Variants in ERN1 observed in about 807,000 individuals in gnomAD.
The protein encoded by ERN1 is serine/threonine-protein kinase/endoribonuclease IRE1.
Under a neutral mutation model 113.1 loss-of-function variants are expected in ERN1, and 39 were observed. The observed-to-expected ratio is 0.34, with a 90% CI of 0.27 to 0.45. The LOEUF (loss-of-function observed/expected upper bound fraction) is 0.45, where lower values mean the gene tolerates loss of function less well. Ranked by LOEUF, ERN1 falls within the 20% of genes least tolerant of loss-of-function variation. The pLI, the probability that ERN1 is intolerant of heterozygous loss-of-function variation, is 1.00. For synonymous variants in ERN1, 507 were observed against 515.9 expected, an observed-to-expected ratio of 0.98 and a Z score of 0.23; for missense variants, 976 against 1,274.8, an observed-to-expected ratio of 0.77 and a Z score of 3.57.
chr17:64,089,446 T>C (rs1324659181), intron 2 of ERN1, among the ~76,000 whole-genome samples: 2 of 150,958 alleles, frequency 1.3e-5, no homozygotes, highest in African/African-American at 4.9e-5. Context: ...GCAAAGGAAA[T>C]GCTCACTGGA....
At chr17:64,129,519 G>C (rs1175106732) in intron 1 of ERN1, 3 of 322,958 alleles carry the variant, frequency 9.3e-6, no homozygotes, top group Non-Finnish European at 1.1e-5. Context: ...TCGAAGCGCA[G>C]GACAGACCCT....
chr17:64,110,500 A>C (rs1357641746), intron 1 of ERN1, among the ~76,000 whole-genome samples: 1 of 152,210 alleles, frequency 6.6e-6, no homozygotes, highest in Non-Finnish European at 1.5e-5. Flanking sequence ...AGACGATGAT[A>C]ATGTAGCCAC....
intron 1 of ERN1, among the ~76,000 whole-genome samples, chr17:64,106,217 A>G (rs1212014552): frequency 6.6e-6 from 1 of 152,222 alleles, no homozygotes; most frequent in Non-Finnish European, 1.5e-5. Context: ...TACATATTAC[A>G]GTATTAAAGG....
chr17:64,111,357 GTT>G (rs556113039), intron 1 of ERN1, among the ~76,000 whole-genome samples: 2 of 138,408 alleles, frequency 1.4e-5, no homozygotes. Flanking sequence ...GTCATCCAAT[GTT>G]TTTTTTTTTT....
intron 1 of ERN1, among the ~76,000 whole-genome samples, chr17:64,119,285 A>G (rs965468224): frequency 1.3e-5 from 2 of 152,052 alleles, no homozygotes; most frequent in Non-Finnish European, 2.9e-5. Context: ...TTTGTATTCA[A>G]AGGAAAAAAT....
At chr17:64,045,991 T>C (rs1912502104) in intron 19 of ERN1, among the ~76,000 whole-genome samples, 1 of 151,968 alleles carries the variant, frequency 6.6e-6, no homozygotes, top group Non-Finnish European at 1.5e-5. Context: ...GTGGCAAGAG[T>C]ATGGGCTCCA....
In ERN1 at chr17:64,040,322, C is replaced by T. The variant is rs2143299955; in HGVS notation, c.*3666G>A. Reference sequence around the variant, plus strand: ...CCAGAGGATCACAAGGCCAAGGATCCAATGGGCACACCATGAGGACCCAAG... The same window carrying T: ...CCAGAGGATCACAAGGCCAAGGATCTAATGGGCACACCATGAGGACCCAAG... On this transcript the variant is annotated 3_prime_UTR_variant, in exon 22 of 22. Coordinates refer to ENST00000433197, the MANE Select transcript of ERN1 (RefSeq NM_001433.5). 6.6e-6 allele frequency: 1 copy of T among 152,266 alleles called. No individual in the cohort carries two copies. The highest frequency in any genetic ancestry group is 2.1e-4 in the South Asian group (1 of 4,806). 9.4% of individuals were successfully genotyped at this position (152,266 alleles called of 1,614,324 possible).
intron 17 of ERN1, among the ~76,000 whole-genome samples, chr17:64,050,900 A>G (rs1233758151): frequency 6.6e-6 from 1 of 152,182 alleles, no homozygotes; most frequent in Non-Finnish European, 1.5e-5. Context: ...AGGCAGCCAT[A>G]TCTAATCCAC....
At chr17:64,067,427 C>CAAA (rs5821418) in intron 7 of ERN1, among the ~76,000 whole-genome samples, 2 of 83,096 alleles carry the variant, frequency 2.4e-5, no homozygotes, top group African/African-American at 4.7e-5. Flanking sequence ...CCCGTCTCTA[C>CAAA]AAAAAAAAAA....
At chr17:64,092,916 G>A (rs561378645) in intron 2 of ERN1, among the ~76,000 whole-genome samples, 1 of 152,190 alleles carries the variant, frequency 6.6e-6, no homozygotes, top group Non-Finnish European at 1.5e-5. Flanking sequence ...CTATTCACTG[G>A]TGAGGTTTTA....
At chr17:64,126,387 C>T (rs1915081211) in intron 1 of ERN1, among the ~76,000 whole-genome samples, 1 of 152,118 alleles carries the variant, frequency 6.6e-6, no homozygotes, top group African/African-American at 2.4e-5. Flanking sequence ...AGGATTCTTT[C>T]ACCTGAAAAA....
chr17:64,100,500 G>C (rs1465563190), intron 1 of ERN1, among the ~76,000 whole-genome samples: 4 of 152,180 alleles, frequency 2.6e-5, no homozygotes, highest in Non-Finnish European at 5.9e-5. Context: ...GCCAGGCGTG[G>C]TGGCTCACAC....
intron 6 of ERN1, among the ~76,000 whole-genome samples, 170 bp downstream of exon 6, chr17:64,071,811 T>A (rs1169795050): frequency 1.3e-5 from 2 of 152,082 alleles, no homozygotes; most frequent in Non-Finnish European, 2.9e-5. Flanking sequence ...TTGGACTGTA[T>A]CCCTTGCACA....
chr17:64,127,317 C>G (rs1306944832), intron 1 of ERN1, among the ~76,000 whole-genome samples: 3 of 152,012 alleles, frequency 2.0e-5, no homozygotes, highest in Non-Finnish European at 4.4e-5. Context: ...GTATAACATT[C>G]AAAAAATGAT....
At chr17:64,078,088 G>C (rs1222223231) in intron 4 of ERN1, among the ~76,000 whole-genome samples, 1 of 152,158 alleles carries the variant, frequency 6.6e-6, no homozygotes, top group Non-Finnish European at 1.5e-5. Flanking sequence ...TGGGTCCTAA[G>C]GACTTTAGCA....
chr17:64,086,849 T>C (rs772867448), intron 2 of ERN1, among the ~76,000 whole-genome samples: 6 of 151,882 alleles, frequency 4.0e-5, no homozygotes, highest in Non-Finnish European at 8.8e-5. Context: ...GTTTCACCTA[T>C]TGGTCAGGCT....
chr17:64,069,883 G>C (rs766718393), intron 6 of ERN1, among the ~76,000 whole-genome samples: 3 of 152,164 alleles, frequency 2.0e-5, no homozygotes, highest in African/African-American at 7.2e-5. Context: ...TCTTTGGAGG[G>C]AGTGGGAGGG....
chr17:64,123,155 T>TATC (rs1299270691), intron 1 of ERN1, among the ~76,000 whole-genome samples: 1 of 152,142 alleles, frequency 6.6e-6, no homozygotes, highest in African/African-American at 2.4e-5. Context: ...ACAATCAATG[T>TATC]ATCAACTCTG....
chr17:64,054,379 G>A lies in ERN1; in HGVS notation c.1824C>T (p.Phe608=), dbSNP rs771181939. The A allele has an allele frequency of 9.3e-5, 149 of 1,604,864 alleles. 1 individual carries two copies. Among genetic ancestry groups the A allele is most frequent in the East Asian group, 1.8e-4 (8 of 44,488 alleles). The part of the protein sequence containing the change: ...VKRILPECFS[F]ADREVQLLRE... ...GCAACAGCTGGACCTCACGGTCTGC[G>A]AAGCTAAAACACTCGGGGAGGATCC... The change falls in exon 15 of 22, where the codon TTC becomes TTT. Residue 608 remains phenylalanine, a synonymous_variant. Transcript: ENST00000433197. This position sits in a 1 kb window ranked among gnomAD's most constrained non-coding sequence, Gnocchi z 4.9.
Sources: gnomAD v4.1 joint callset for allele counts (sites outside exome capture counted in the v4.1 genomes callset) on GRCh38, gnomAD v4.1.1 for gene constraint, Gnocchi (gnomAD v3.1) non-coding constraint, MANE v1.5 for transcripts, NCBI Gene and HGNC (gene_info 2026-07-23, HGNC 2026-07-21) for gene names.